Variants in CEP95 observed in about 807,000 individuals in gnomAD.
CEP95 encodes centrosomal protein of 95 kDa.
A neutral mutation model predicts 111.2 loss-of-function variants in CEP95; 98 were observed. That is an observed-to-expected ratio of 0.88 (90% confidence interval 0.75 to 1.04). The LOEUF (loss-of-function observed/expected upper bound fraction) is 1.04. Among genes scored for constraint, CEP95 ranks in the 50% least tolerant of loss-of-function variants. The pLI, the probability that CEP95 is intolerant of heterozygous loss-of-function variation, is 0.00. For missense variants in CEP95, 1,027 were observed against 977.2 expected, an observed-to-expected ratio of 1.05 and a Z score of -0.68; for synonymous variants, 323 against 327.1, an observed-to-expected ratio of 0.99 and a Z score of 0.14.
chr17:64,521,094 A>G (rs1341695158), intron 6 of CEP95, among the ~76,000 whole-genome samples: 1 of 152,106 alleles, frequency 6.6e-6, no homozygotes, highest in African/African-American at 2.4e-5. Context: ...AAAATTAGCC[A>G]GGCATGGTGG....
intron 16 of CEP95, among the ~76,000 whole-genome samples, chr17:64,533,393 G>T (rs1220829849): frequency 1.3e-5 from 2 of 152,140 alleles, no homozygotes; most frequent in African/African-American, 4.8e-5. Flanking sequence ...AGGATCACTT[G>T]AGACCAGCCT....
chr17:64,508,647 A>G lies in CEP95; in HGVS notation c.75A>G (p.Ile25Met). 6.8e-7 allele frequency: 1 copy of G among 1,467,126 alleles called. No individual in the cohort carries two copies. The highest frequency in any genetic ancestry group is 9.1e-7 in the Non-Finnish European group (1 of 1,100,926). 90.9% of individuals were successfully genotyped at this position (1,467,126 alleles called of 1,614,324 possible). Residue 25 changes from isoleucine (I) to methionine (M), a missense_variant, in exon 2 of 20, where the codon ATA (isoleucine) becomes ATG (methionine). Transcript: ENST00000556440. ...TTAAGTGTCATATACATCTGAGAAT[A>G]CATGAACTTCAAGACTGTGATGCTA... is the stretch of plus-strand genomic sequence containing the variant. ...LLFKCHIHLRIHELQDCDANV... is the reference protein window; with the variant it reads ...LLFKCHIHLRMHELQDCDANV...
intron 4 of CEP95, chr17:64,514,655 T>C: frequency 2.6e-6 from 1 of 391,690 alleles, no homozygotes. Flanking sequence ...ATAAAATTTC[T>C]TTCTCCAAAA....
At chr17:64,509,051 A>C (rs1555673980) in intron 2 of CEP95, among the ~76,000 whole-genome samples, 1 of 152,154 alleles carries the variant, frequency 6.6e-6, no homozygotes, top group Non-Finnish European at 1.5e-5. Context: ...TGCCTTGTGA[A>C]AGTTGCATCT....
chr17:64,530,064 A>G (rs1435310560), intron 12 of CEP95, among the ~76,000 whole-genome samples: 19 of 152,330 alleles, frequency 1.2e-4, no homozygotes, highest in Admixed American at 1.2e-3. Flanking sequence ...CGCATGATGT[A>G]AAATTTCATT....
intron 6 of CEP95, chr17:64,520,667 A>C (rs1967253057): frequency 6.6e-6 from 1 of 152,138 alleles, no homozygotes; most frequent in Non-Finnish European, 1.5e-5. Context: ...TAATAACCTC[A>C]AGTGATCTGC....
chr17:64,522,553 GT>G (rs1967436179), intron 7 of CEP95, 148 bp from the exon 8 acceptor site: 2 of 541,310 alleles, frequency 3.7e-6, no homozygotes, highest in Non-Finnish European at 6.5e-6. Flanking sequence ...TATATCCCTG[GT>G]TTAATTATTT....
At position 64,516,713 on chromosome 17, in the gene CEP95, T is replaced by C. The variant is rs1966886987; in HGVS notation, c.368-10T>C. ...GGTTTTTTGGTATTGTTTTTATCTGTTCTGAACAGGTGAAACTGAACAGTA... is the reference window on the plus strand; with the variant it reads ...GGTTTTTTGGTATTGTTTTTATCTGCTCTGAACAGGTGAAACTGAACAGTA... On this transcript the variant is annotated splice_polypyrimidine_tract_variant and intron_variant, in intron 4 of 19. Coordinates refer to ENST00000556440, the MANE Select transcript of CEP95 (RefSeq NM_138363.3). The C allele has an allele frequency of 6.4e-7, 1 of 1,567,310 alleles. No individual in the cohort carries two copies. The highest frequency in any genetic ancestry group is 8.8e-7 in the Non-Finnish European group (1 of 1,139,380).
intron 17 of CEP95, chr17:64,535,551 TAATG>T (rs1555681380): frequency 1.3e-5 from 2 of 152,236 alleles, no homozygotes; most frequent in African/African-American, 4.8e-5. Context: ...CATGAAAAGA[TAATG>T]AACACCTTCG....
Position 64,507,093 on chromosome 17 carries a change from G to A in CEP95, c.-5G>A, listed in dbSNP as rs371240627. The A allele has an allele frequency of 3.4e-4, 535 of 1,551,442 alleles. 3 individuals are homozygous for A. The African/African-American group carries it at 6.7e-3, about 19-fold the overall frequency. On this transcript the variant is annotated 5_prime_UTR_variant, in exon 1 of 20. Transcript: ENST00000556440. ...CGGAGTCCGGCGGCGACCTGCCTCT[G>A]AAACATGGCAGGCTCGGATGCTGGT...
At chr17:64,525,592 A>T (rs1967747361) in intron 8 of CEP95, among the ~76,000 whole-genome samples, 178 bp from the exon 9 acceptor site, 1 of 152,198 alleles carries the variant, frequency 6.6e-6, no homozygotes, top group African/African-American at 2.4e-5. Flanking sequence ...GTTTCTAGAC[A>T]TTGCTCCAGT....
At chr17:64,507,653 C>A (rs1213803202) in intron 1 of CEP95, 2 of 987,684 alleles carry the variant, frequency 2.0e-6, no homozygotes, top group Non-Finnish European at 2.4e-6. Context: ...TTGTCTAGGA[C>A]GCTTTCATCC....
At chr17:64,507,331 G>A in intron 1 of CEP95, 1 of 1,434,308 alleles carries the variant, frequency 7.0e-7, no homozygotes, top group Non-Finnish European at 9.2e-7. Flanking sequence ...GAGAGAGAGA[G>A]GCACTGGGGC....
intron 5 of CEP95, among the ~76,000 whole-genome samples, 187 bp downstream of exon 5, chr17:64,517,015 C>T (rs552402351): frequency 4.6e-5 from 7 of 152,288 alleles, no homozygotes; most frequent in African/African-American, 1.7e-4. Context: ...ACCTAAATCT[C>T]AGTATCAACT....
intron 2 of CEP95, among the ~76,000 whole-genome samples, chr17:64,509,289 C>T (rs914398547): frequency 2.6e-5 from 4 of 152,354 alleles, no homozygotes; most frequent in Non-Finnish European, 5.9e-5. Flanking sequence ...CCGTCTACCT[C>T]CCAAAGTGAT....
Position 64,537,617 on chromosome 17 carries a change from G to T in CEP95, c.2304G>T (p.Val768=). The T allele has an allele frequency of 6.2e-7, 1 of 1,608,586 alleles. No individual in the cohort carries two copies. Among genetic ancestry groups the T allele is most frequent in the Non-Finnish European group, 8.5e-7 (1 of 1,176,522 alleles). The part of the protein sequence containing the change: ...EKSQAQTLHK[V]KRELRSKMEK... ...TCTTTTTTCAGACATTACATAAGGT[G>T]AAGAGGGAGCTGAGATCTAAGATGG... The change falls in exon 20 of 20, where the codon GTG becomes GTT. Residue 768 remains valine (V), a synonymous_variant. Coordinates refer to ENST00000556440, the MANE Select transcript of CEP95 (RefSeq NM_138363.3).
chr17:64,531,917 C>T lies in CEP95; in HGVS notation c.1567C>T (p.Arg523Cys), dbSNP rs782452611. ...AAAAATATACAGAGGAGAAGCTGTTCGTAAAGGAACTCCAGAATGTAGTCA... is the reference window on the plus strand; with the variant it reads ...AAAAATATACAGAGGAGAAGCTGTTTGTAAAGGAACTCCAGAATGTAGTCA... ...TEKIYRGEAV[R>C]KGTPECSQPW... Residue 523 changes from arginine to cysteine, a missense_variant, in exon 14 of 20, where the codon CGT becomes TGT. Transcript: ENST00000556440. 3 of 1,601,630 alleles carry T rather than the reference C, an allele frequency of 1.9e-6. No homozygotes were observed. Among genetic ancestry groups the T allele is most frequent in the African/African-American group, 1.3e-5 (1 of 74,424 alleles).
At position 64,533,170 on chromosome 17, in the gene CEP95, A is replaced by G; in HGVS notation, c.1896A>G (p.Glu632=). 1 of 1,588,804 alleles carries G rather than the reference A, an allele frequency of 6.3e-7. No homozygotes were observed. The highest frequency in any genetic ancestry group is 8.5e-7 in the Non-Finnish European group (1 of 1,173,786). ...TCCTTACTACCCTTGTCAAGAAAGA[A>G]TATGAACATAACAAGAGACTGGTAT... ...HDLLTTLVKK[E]YEHNKRLQDF... is the part of the protein sequence containing the mutation. The change falls in exon 16 of 20, where the codon GAA becomes GAG. Residue 632 remains glutamate (E), a synonymous_variant. Coordinates refer to ENST00000556440, the MANE Select transcript of CEP95 (RefSeq NM_138363.3).
rs200562914 is a variant in CEP95 at position 64,529,412 on chromosome 17, C to T, written c.1431C>T (p.Arg477=). Residue 477 remains arginine, a synonymous_variant, in exon 12 of 20, where the codon CGC becomes CGT. Coordinates refer to ENST00000556440, the MANE Select transcript of CEP95 (RefSeq NM_138363.3). ...RQRKPRETDV[R]QFQAQAFTEA... is the part of the protein sequence containing the mutation. ...GCAAGCCAAGAGAAACAGATGTCCG[C>T]CAATTCCAAGCACAGGTTCTTCCCC... 23 of 1,613,762 alleles carry T rather than the reference C, an allele frequency of 1.4e-5. No individual in the cohort carries two copies. Among genetic ancestry groups the T allele is most frequent in the Non-Finnish European group, 1.9e-5 (23 of 1,179,758 alleles).
Sources: allele counts gnomAD v4.1 joint callset (sites outside exome capture counted in the v4.1 genomes callset), GRCh38; gene constraint gnomAD v4.1.1; transcripts MANE v1.5; gene names NCBI Gene and HGNC (gene_info 2026-07-23, HGNC 2026-07-21).